Variants in ATP8A2 observed in about 807,000 individuals in gnomAD.
The protein encoded by ATP8A2 is phospholipid-transporting ATPase IB.
ATP8A2 carries 100 observed loss-of-function variants against 165.6 expected under a neutral mutation model. That is an observed-to-expected ratio of 0.60 (90% confidence interval 0.51 to 0.71). The LOEUF (loss-of-function observed/expected upper bound fraction) is 0.71, where lower values mean the gene tolerates loss of function less well. Ranked by LOEUF, ATP8A2 falls within the 30% of genes least tolerant of loss-of-function variation. The probability of loss-of-function intolerance (pLI) is 0.00; values close to 1 mark genes in which losing one functional copy is unlikely to be tolerated. For synonymous variants in ATP8A2, 543 were observed against 548.8 expected, an observed-to-expected ratio of 0.99 and a Z score of 0.15; for missense variants, 1,227 against 1,479.5, an observed-to-expected ratio of 0.83 and a Z score of 2.80.
At chr13:25,829,708 A>G (rs1420243958) in intron 28 of ATP8A2, among the ~76,000 whole-genome samples, 4 of 81,644 alleles carry the variant, frequency 4.9e-5, no homozygotes, top group African/African-American at 1.4e-4. Context: ...ATATATATAT[A>G]TATATATATA....
At chr13:25,915,678 G>A (rs189340857) in intron 33 of ATP8A2, among the ~76,000 whole-genome samples, 7 of 152,296 alleles carry the variant, frequency 4.6e-5, no homozygotes, top group Admixed American at 1.3e-4. Flanking sequence ...GCATGAGTTG[G>A]CCCCTGCAGG....
At chr13:25,964,102 G>T (rs1219450159) in intron 34 of ATP8A2, among the ~76,000 whole-genome samples, 1 of 152,212 alleles carries the variant, frequency 6.6e-6, no homozygotes, top group Non-Finnish European at 1.5e-5. Flanking sequence ...TGGCACCACG[G>T]GCCCAGAACT....
intron 33 of ATP8A2, among the ~76,000 whole-genome samples, chr13:25,891,159 T>A (rs1037426448): frequency 6.6e-5 from 10 of 152,230 alleles, no homozygotes; most frequent in Non-Finnish European, 1.3e-4. Flanking sequence ...ATAGATGCTG[T>A]GTGTTGCTCT....
intron 2 of ATP8A2, among the ~76,000 whole-genome samples, chr13:25,514,932 G>T (rs2037416833): frequency 6.6e-6 from 1 of 152,144 alleles, no homozygotes; most frequent in Non-Finnish European, 1.5e-5. Context: ...ACTCGACAGG[G>T]CTATGGGGTG....
chr13:25,646,683 A>G (rs2041682948), intron 24 of ATP8A2, among the ~76,000 whole-genome samples: 1 of 151,566 alleles, frequency 6.6e-6, no homozygotes, highest in South Asian at 2.1e-4. Flanking sequence ...ACACAAAAGA[A>G]TCATTTAGTC....
chr13:25,891,613 T>G lies in ATP8A2; in HGVS notation c.3183+29205T>G, dbSNP rs369345589. 3.0e-4 allele frequency among the ~76,000 whole-genome samples: 45 copies of G among 152,270 alleles called. No homozygotes were observed. In the East Asian group the frequency reaches 7.4e-3, roughly 25 times the overall value. On this transcript the variant is annotated intron_variant, in intron 33 of 36. Coordinates refer to ENST00000381655, the MANE Select transcript of ATP8A2 (RefSeq NM_016529.6). ...TGCTGCGATTACAGGTGCGAGCCAC[T>G]GTGCCCGGCCAGATCTGAGCCATTT... is the stretch of plus-strand genomic sequence containing the variant.
At chr13:25,622,205 C>CA (rs66680708) in intron 24 of ATP8A2, among the ~76,000 whole-genome samples, 68,588 of 124,672 alleles carry the variant, frequency 0.55, 18,085 homozygotes, top group Middle Eastern at 0.65. Context: ...GACTCTGTCT[C>CA]AAAAAAAAAA....
chr13:25,654,493 C>T (rs2041883730), intron 24 of ATP8A2, among the ~76,000 whole-genome samples: 2 of 152,216 alleles, frequency 1.3e-5, no homozygotes, highest in Admixed American at 6.5e-5. Flanking sequence ...AGGCGTGAGC[C>T]ACTGTGCCCT....
chr13:25,460,292 C>G (rs952264334), intron 1 of ATP8A2, among the ~76,000 whole-genome samples: 1 of 152,216 alleles, frequency 6.6e-6, no homozygotes, highest in African/African-American at 2.4e-5. Context: ...CCTAGGTTAG[C>G]TGTTCAAAGA....
At chr13:25,910,616 G>A (rs1032773303) in intron 33 of ATP8A2, among the ~76,000 whole-genome samples, 12 of 152,058 alleles carry the variant, frequency 7.9e-5, no homozygotes, top group Admixed American at 5.2e-4. Flanking sequence ...ATGGGACAAC[G>A]GGTGTCTCCT....
intron 30 of ATP8A2, among the ~76,000 whole-genome samples, chr13:25,856,987 A>G (rs768783495): frequency 6.6e-6 from 1 of 152,212 alleles, no homozygotes; most frequent in Non-Finnish European, 1.5e-5. Context: ...AAGCTGGACT[A>G]TTCCTTTAAG....
rs530615236 is a variant in ATP8A2, at chr13:25,711,389, A to T, written c.2384+12044A>T. ...ACTATTCTAAAGATAATGGTATGGA[A>T]TTAAAGTATTTTGAGCAGAGTAGCA... On this transcript the variant is annotated intron_variant, in intron 25 of 36. Transcript: ENST00000381655. Among the ~76,000 whole-genome samples the T allele has an allele frequency of 5.3e-5, 8 of 152,176 alleles. No individual in the cohort carries two copies. In the South Asian group the frequency reaches 1.7e-3, roughly 32 times the overall value.
intron 13 of ATP8A2, among the ~76,000 whole-genome samples, chr13:25,556,731 G>T (rs1013451408): frequency 6.6e-6 from 1 of 152,094 alleles, no homozygotes; most frequent in Admixed American, 6.6e-5. Flanking sequence ...AACCCTAAGG[G>T]GAGGGTGCTG....
Position 25,567,430 on chromosome 13 carries a change from C to T in ATP8A2, c.1474-3337C>T, listed in dbSNP as rs2039347592. The T allele has an allele frequency of 8.8e-6, 4 of 456,134 alleles. No individual in the cohort carries two copies. The Admixed American group carries it at 9.4e-5, about 11-fold the overall frequency. The allele number at this position is 456,134 out of a possible 1,614,324, so 28.3% of individuals were successfully genotyped here. On this transcript the variant is annotated intron_variant, in intron 16 of 36. Transcript: ENST00000381655. ...GTGATCTTTCTTCTTCTTTCCTTTC[C>T]TCCTCATCGTCTGCCCTCCTGAGCC...
chr13:25,503,477 C>T (rs748832579), intron 2 of ATP8A2, among the ~76,000 whole-genome samples: 2 of 152,090 alleles, frequency 1.3e-5, no homozygotes, highest in African/African-American at 4.8e-5. Context: ...CTAGGTGAGA[C>T]GCTTGGCACT....
chr13:25,875,950 G>A (rs1952810685), intron 33 of ATP8A2, among the ~76,000 whole-genome samples: 2 of 152,340 alleles, frequency 1.3e-5, no homozygotes, highest in South Asian at 4.1e-4. Flanking sequence ...GGCCACAGAT[G>A]GCACTAGCAG....
chr13:25,898,029 T>C (rs1320771810), intron 33 of ATP8A2, among the ~76,000 whole-genome samples: 2 of 152,232 alleles, frequency 1.3e-5, no homozygotes, highest in African/African-American at 2.4e-5. Flanking sequence ...CCTTCCTCTC[T>C]CAACTCGTCA....
intron 1 of ATP8A2, among the ~76,000 whole-genome samples, chr13:25,446,080 A>G (rs1225447192): frequency 1.3e-5 from 2 of 152,186 alleles, no homozygotes; most frequent in African/African-American, 4.8e-5. Flanking sequence ...GCAATTATCC[A>G]TAGAGCGCTG....
chr13:25,445,945 G>C (rs1360357699), intron 1 of ATP8A2, among the ~76,000 whole-genome samples: 3 of 152,112 alleles, frequency 2.0e-5, no homozygotes. Context: ...TGGACCGGTT[G>C]GTCAACTAAT....
Sources: gnomAD v4.1 joint callset for allele counts (sites outside exome capture counted in the v4.1 genomes callset) on GRCh38, gnomAD v4.1.1 for gene constraint, MANE v1.5 for transcripts, NCBI Gene and HGNC (gene_info 2026-07-23, HGNC 2026-07-21) for gene names.